The following NEGR1 variants were observed in gnomAD, a reference collection of about 807,000 sequenced individuals.
The protein encoded by NEGR1 is IgLON family member 4.
A neutral mutation model predicts 40.9 loss-of-function variants in NEGR1; 10 were observed. The observed-to-expected ratio is 0.24, with a 90% CI of 0.15 to 0.42. The LOEUF (loss-of-function observed/expected upper bound fraction) is 0.42. Among genes scored for constraint, NEGR1 ranks in the 10% least tolerant of loss-of-function variants. NEGR1 has a pLI of 1.00. For missense variants in NEGR1, 352 were observed against 438.9 expected, an observed-to-expected ratio of 0.80 and a Z score of 1.77; for synonymous variants, 185 against 166.8, an observed-to-expected ratio of 1.11 and a Z score of -0.84.
At position 71,401,903 on chromosome 1, in the gene NEGR1, T is replaced by A. The variant is rs1646248673; in HGVS notation, c.*5543A>T. The A allele has an allele frequency of 6.6e-6, 1 of 152,176 alleles. No homozygotes were observed. The highest frequency in any genetic ancestry group is 1.5e-5 in the Non-Finnish European group (1 of 68,022). The allele number at this position is 152,176 out of a possible 1,614,324, so 9.4% of individuals were successfully genotyped here. Reference sequence around the variant, plus strand: ...CTGTGAGTTTCACGTTTCCAAAGTTTTAGATGACATGTACAATCTGATTAG... The same window carrying A: ...CTGTGAGTTTCACGTTTCCAAAGTTATAGATGACATGTACAATCTGATTAG... On this transcript the variant is annotated 3_prime_UTR_variant, in exon 7 of 7. Transcript: ENST00000357731.
chr1:72,136,909 A>G (rs1365985330), intron 1 of NEGR1, among the ~76,000 whole-genome samples: 1 of 152,074 alleles, frequency 6.6e-6, no homozygotes, highest in East Asian at 1.9e-4. Context: ...AAAAAAAACA[A>G]ACAACCCCAT....
chr1:71,815,061 C>T (rs1279477796), intron 2 of NEGR1, among the ~76,000 whole-genome samples: 1 of 152,084 alleles, frequency 6.6e-6, no homozygotes, highest in Non-Finnish European at 1.5e-5. Context: ...TAATTTCCCT[C>T]TTAACACTGC....
At chr1:71,503,619 C>A (rs916425410) in intron 6 of NEGR1, among the ~76,000 whole-genome samples, 2 of 152,050 alleles carry the variant, frequency 1.3e-5, no homozygotes, top group African/African-American at 2.4e-5. Flanking sequence ...GCATGTTGCC[C>A]CTTAGGGAAG....
chr1:72,028,371 C>T (rs935086910), intron 1 of NEGR1, among the ~76,000 whole-genome samples: 5 of 152,160 alleles, frequency 3.3e-5, no homozygotes, highest in Non-Finnish European at 7.4e-5. Context: ...AAGGCTTTCA[C>T]ACAAAACATC....
chr1:71,918,463 G>A (rs1459294442), intron 2 of NEGR1, among the ~76,000 whole-genome samples: 1 of 151,828 alleles, frequency 6.6e-6, no homozygotes, highest in African/African-American at 2.4e-5. Flanking sequence ...AATGGTTTCT[G>A]CTTTCAAATA....
intron 1 of NEGR1, among the ~76,000 whole-genome samples, chr1:72,163,764 A>AGATGGATT (rs3080237): frequency 2.1e-5 from 3 of 143,912 alleles, no homozygotes; most frequent in Non-Finnish European, 4.6e-5. Context: ...ATAGATAGAT[A>AGATGGATT]TAGATTTAGA....
chr1:71,936,845 A>G (rs1645909782), intron 1 of NEGR1, among the ~76,000 whole-genome samples: 1 of 152,202 alleles, frequency 6.6e-6, no homozygotes, highest in African/African-American at 2.4e-5. Context: ...AGAACAGAAG[A>G]AGGCTGTGGT....
At chr1:71,914,830 G>C (rs1661524971) in intron 2 of NEGR1, among the ~76,000 whole-genome samples, 1 of 152,052 alleles carries the variant, frequency 6.6e-6, no homozygotes, top group African/African-American at 2.4e-5. Context: ...AGGAAACAAT[G>C]TTGTTTCCCT....
intron 3 of NEGR1, among the ~76,000 whole-genome samples, chr1:71,734,289 A>T (rs768712933): frequency 6.6e-6 from 1 of 152,176 alleles, no homozygotes; most frequent in Non-Finnish European, 1.5e-5. Flanking sequence ...TTCAAATTCT[A>T]TCTTTATCCC....
intron 6 of NEGR1, among the ~76,000 whole-genome samples, chr1:71,474,281 A>ATG (rs112956217): frequency 0.41 from 59,366 of 143,322 alleles, 12,885 homozygotes; most frequent in South Asian, 0.52. Flanking sequence ...AAACAGGAAA[A>ATG]TGTGTGTGTG....
intron 1 of NEGR1, among the ~76,000 whole-genome samples, chr1:72,245,718 C>T (rs1184116936): frequency 6.6e-6 from 1 of 152,068 alleles, no homozygotes; most frequent in Non-Finnish European, 1.5e-5. Context: ...TTCAACTTTG[C>T]ATAAAATTCT....
chr1:71,769,162 C>A, intron 3 of NEGR1, among the ~76,000 whole-genome samples: 1 of 151,166 alleles, frequency 6.6e-6, no homozygotes, highest in East Asian at 2.0e-4. Context: ...AAATTTTTTT[C>A]CTTTAATTTT....
chr1:72,075,569 T>A (rs1647692479), intron 1 of NEGR1, among the ~76,000 whole-genome samples: 1 of 152,236 alleles, frequency 6.6e-6, no homozygotes, highest in Non-Finnish European at 1.5e-5. Flanking sequence ...CTACAGCTCA[T>A]CTGCATATCC....
At chr1:71,449,012 G>C (rs942046580) in intron 6 of NEGR1, among the ~76,000 whole-genome samples, 7 of 152,282 alleles carry the variant, frequency 4.6e-5, no homozygotes, top group African/African-American at 1.7e-4. Context: ...GAGATGGTAT[G>C]AGAGCACATT....
At chr1:72,247,065 AG>A (rs1259127252) in intron 1 of NEGR1, among the ~76,000 whole-genome samples, 1 of 152,214 alleles carries the variant, frequency 6.6e-6, no homozygotes, top group Non-Finnish European at 1.5e-5. Flanking sequence ...AAGGCTGCAT[AG>A]GGCAGAAGGA....
intron 1 of NEGR1, among the ~76,000 whole-genome samples, chr1:72,080,681 G>A (rs1460128874): frequency 6.6e-6 from 1 of 151,978 alleles, no homozygotes; most frequent in Non-Finnish European, 1.5e-5. Context: ...GACCATATAC[G>A]AGCTATGGGC....
chr1:72,151,017 G>GA (rs1251581907), intron 1 of NEGR1, among the ~76,000 whole-genome samples: 1 of 151,602 alleles, frequency 6.6e-6, no homozygotes, highest in East Asian at 1.9e-4. Flanking sequence ...AAGGAAAAAT[G>GA]AAAAAAGAGA....
At chr1:71,954,911 T>C (rs1327820187) in intron 1 of NEGR1, among the ~76,000 whole-genome samples, 1 of 152,150 alleles carries the variant, frequency 6.6e-6, no homozygotes, top group Non-Finnish European at 1.5e-5. Context: ...TATATGGTGA[T>C]AACCTAGATA....
intron 1 of NEGR1, among the ~76,000 whole-genome samples, chr1:72,067,590 A>C (rs369036532): frequency 3.9e-5 from 6 of 152,256 alleles, no homozygotes; most frequent in African/African-American, 1.4e-4. Context: ...CTGTAGTTTT[A>C]CACTGAGTAA....
Sources: gnomAD v4.1 joint callset for allele counts (sites outside exome capture counted in the v4.1 genomes callset) on GRCh38, gnomAD v4.1.1 for gene constraint, MANE v1.5 for transcripts, NCBI Gene and HGNC (gene_info 2026-07-23, HGNC 2026-07-21) for gene names.